The following CACNA1C variants were observed in gnomAD, a reference collection of about 807,000 sequenced individuals.
The protein encoded by CACNA1C is calcium voltage-gated channel subunit alpha1 C, also known as voltage-dependent L-type calcium channel subunit alpha-1C.
A neutral mutation model predicts 229.0 loss-of-function variants in CACNA1C; 30 were observed. That is an observed-to-expected ratio of 0.13 (90% CI 0.10 to 0.18). CACNA1C has a LOEUF of 0.18. Among genes scored for constraint, CACNA1C ranks in the 10% least tolerant of loss-of-function variants. The pLI, the probability that CACNA1C is intolerant of heterozygous loss-of-function variation, is 1.00. For missense variants in CACNA1C, 1,658 were observed against 2,845.0 expected (o/e 0.58, Z 9.49); for synonymous variants, 1,114 against 1,132.5 (o/e 0.98, Z 0.33).
intron 3 of CACNA1C, among the ~76,000 whole-genome samples, chr12:2,255,360 TGGGGTCATTC>T: frequency 6.6e-6 from 1 of 151,992 alleles, no homozygotes; most frequent in East Asian, 1.9e-4. Flanking sequence ...CTAACAGACC[TGGGGTCATTC>T]GGGGTGTGAC....
chr12:2,284,088 C>T (rs2092155125), intron 3 of CACNA1C, among the ~76,000 whole-genome samples: 1 of 152,176 alleles, frequency 6.6e-6, no homozygotes, highest in South Asian at 2.1e-4. Flanking sequence ...TGGCTCCAGC[C>T]ACGAAACAGG....
rs762338570 is a variant in CACNA1C at position 2,634,350 on chromosome 12, C to T, written c.3882C>T (p.Ser1294=). The T allele has an allele frequency of 6.3e-7, 1 of 1,584,184 alleles. No homozygotes were observed. The highest frequency in any genetic ancestry group is 1.2e-5 in the South Asian group (1 of 86,610). The change falls in exon 30 of 47, where the codon AGC becomes AGT. Residue 1294 remains serine (S), a synonymous_variant. Coordinates refer to ENST00000399655, the MANE Select transcript of CACNA1C (RefSeq NM_000719.7). Reference sequence around the variant, plus strand: ...TTGACGCCTTGATTGTTGTGGGTAGCATTGTTGATATAGCAATCACCGAGG... The same window carrying T: ...TTGACGCCTTGATTGTTGTGGGTAGTATTGTTGATATAGCAATCACCGAGG... The part of the protein sequence containing the change: ...NTFDALIVVG[S]IVDIAITEVN...
At chr12:2,564,284 T>C (rs1413994528) in intron 11 of CACNA1C, among the ~76,000 whole-genome samples, 1 of 152,182 alleles carries the variant, frequency 6.6e-6, no homozygotes, top group Non-Finnish European at 1.5e-5. Context: ...CATGACCTAC[T>C]CAATAGATTT....
rs530107100 is a variant in CACNA1C, at chr12:2,244,316, T to C, written c.477+123886T>C. On this transcript the variant is annotated intron_variant, in intron 3 of 46. Coordinates refer to ENST00000399655, the MANE Select transcript of CACNA1C (RefSeq NM_000719.7). ...CATTACCACTAGCCCAGGAATGCGGTGTTGACTCATGGCTGCAGCTCCGCT... is the reference window on the plus strand; with the variant it reads ...CATTACCACTAGCCCAGGAATGCGGCGTTGACTCATGGCTGCAGCTCCGCT... 5.9e-5 allele frequency among the ~76,000 whole-genome samples: 9 copies of C among 152,306 alleles called. No homozygotes were observed. In the South Asian group the frequency reaches 1.7e-3, roughly 28 times the overall value.
rs1291974001 is a variant in CACNA1C at position 2,688,545 on chromosome 12, C to T, written c.5883C>T (p.Ser1961=). 6 of 1,613,856 alleles carry T rather than the reference C, an allele frequency of 3.7e-6. No homozygotes were observed. The African/African-American group carries it at 6.7e-5, about 18-fold the overall frequency. Residue 1961 remains serine, a synonymous_variant, in exon 46 of 47, where the codon AGC becomes AGT. Transcript: ENST00000399655. The stretch of plus-strand genomic sequence containing the variant: ...CCACCCCACCAGCCACACCTGGCAG[C>T]CGAGGCTGGCCCCCACAGCCCGTCC... ...PFATPPATPG[S]RGWPPQPVPT...
chr12:2,643,252 T>G (rs2093942580), intron 30 of CACNA1C, among the ~76,000 whole-genome samples: 1 of 152,216 alleles, frequency 6.6e-6, no homozygotes, highest in Non-Finnish European at 1.5e-5. Flanking sequence ...GTTTCCGACC[T>G]GGGGGTGGTG....
intron 5 of CACNA1C, among the ~76,000 whole-genome samples, chr12:2,459,273 C>T (rs1713983150): frequency 6.6e-6 from 1 of 150,928 alleles, no homozygotes; most frequent in African/African-American, 2.4e-5. Context: ...CCTTGGCCTC[C>T]CAAAGTGCTG....
chr12:2,362,490 A>G (rs2097582572), intron 3 of CACNA1C, among the ~76,000 whole-genome samples: 1 of 152,126 alleles, frequency 6.6e-6, no homozygotes, highest in African/African-American at 2.4e-5. Flanking sequence ...AACCTAGTCT[A>G]GCTAATCCTC....
chr12:2,342,520 T>C (rs2096894752), intron 3 of CACNA1C, among the ~76,000 whole-genome samples: 1 of 152,218 alleles, frequency 6.6e-6, no homozygotes, highest in South Asian at 2.1e-4. Context: ...TGACTATGCC[T>C]AGCACAGTGC....
chr12:2,492,500 A>G (rs1268178410), intron 6 of CACNA1C, among the ~76,000 whole-genome samples: 1 of 152,236 alleles, frequency 6.6e-6, no homozygotes, highest in Non-Finnish European at 1.5e-5. Context: ...CATGCATGAA[A>G]TACAGTCAGT....
chr12:2,196,890 C>T (rs1282423749), intron 3 of CACNA1C, among the ~76,000 whole-genome samples: 1 of 152,316 alleles, frequency 6.6e-6, no homozygotes, highest in Non-Finnish European at 1.5e-5. Flanking sequence ...TTCAGAACTG[C>T]CCCAGACCAA....
intron 3 of CACNA1C, among the ~76,000 whole-genome samples, chr12:2,194,839 C>G (rs1291458987): frequency 1.3e-5 from 2 of 152,172 alleles, no homozygotes; most frequent in Admixed American, 1.3e-4. Context: ...CCAGGACTTA[C>G]CCTGCATCCG....
intron 3 of CACNA1C, among the ~76,000 whole-genome samples, chr12:2,164,264 C>A (rs1443588806): frequency 6.6e-6 from 1 of 152,236 alleles, no homozygotes; most frequent in African/African-American, 2.4e-5. Context: ...TCCTTCCTCT[C>A]TCACAGTGCC....
At chr12:2,380,713 A>AT (rs1193884069) in intron 3 of CACNA1C, among the ~76,000 whole-genome samples, 1 of 152,242 alleles carries the variant, frequency 6.6e-6, no homozygotes, top group Non-Finnish European at 1.5e-5. Context: ...CAATGTTAGA[A>AT]TTAAAGACAC....
At chr12:2,334,689 T>C (rs2096640800) in intron 3 of CACNA1C, among the ~76,000 whole-genome samples, 1 of 152,182 alleles carries the variant, frequency 6.6e-6, no homozygotes, top group Admixed American at 6.5e-5. Flanking sequence ...GCTGTGTGAC[T>C]TCCAGCAAAT....
chr12:2,314,995 C>A (rs2095614893), intron 3 of CACNA1C, among the ~76,000 whole-genome samples: 1 of 152,164 alleles, frequency 6.6e-6, no homozygotes, highest in Admixed American at 6.5e-5. Context: ...AAAGAAAACA[C>A]AGAGGTGGGG....
At chr12:2,296,723 A>C (rs952148678) in intron 3 of CACNA1C, among the ~76,000 whole-genome samples, 1 of 152,220 alleles carries the variant, frequency 6.6e-6, no homozygotes, top group African/African-American at 2.4e-5. Flanking sequence ...AGGGAACCAA[A>C]GTAGTACCAA....
rs184211446 is a variant in CACNA1C at position 2,004,113 on chromosome 12, C to T, written c.139+32912C>T. 1,890 of 963,434 alleles carry T rather than the reference C, an allele frequency of 2.0e-3. 31 individuals are homozygous for T. Among genetic ancestry groups the T allele is most frequent in the Non-Finnish European group, 4.0e-4 (263 of 659,754 alleles). The allele number at this position is 963,434 out of a possible 1,614,324, so 59.7% of individuals were successfully genotyped here. ...GCTCCACAGATCCGCCTTCCTTCCC[C>T]CAAACCCCCGAGACCCCATCTCCAC... On this transcript the variant is annotated intron_variant, in intron 1 of 46. Transcript: ENST00000682462.
chr12:2,010,549 A>T (rs1174574342), intron 1 of CACNA1C, among the ~76,000 whole-genome samples: 6 of 152,142 alleles, frequency 3.9e-5, no homozygotes, highest in Admixed American at 3.9e-4. Flanking sequence ...GAGTGGAGAG[A>T]TCACTCTTGA....
Sources: gnomAD v4.1 joint callset for allele counts (sites outside exome capture counted in the v4.1 genomes callset) on GRCh38, gnomAD v4.1.1 for gene constraint, MANE v1.5 for transcripts, NCBI Gene and HGNC (gene_info 2026-07-23, HGNC 2026-07-21) for gene names.